Variants in HHLA2 observed in about 807,000 individuals in gnomAD.
HHLA2 encodes HHLA2 member of B7 family, also known as HERV-H LTR-associating protein 2.
HHLA2 carries 48 observed loss-of-function variants against 45.9 expected under a neutral mutation model. The observed-to-expected ratio is 1.05, with a 90% CI of 0.83 to 1.33. The LOEUF (loss-of-function observed/expected upper bound fraction) is 1.33. Among genes scored for constraint, HHLA2 ranks in the 40% most tolerant of loss-of-function variants. The pLI is 0.00. For synonymous variants in HHLA2, 161 were observed against 173.9 expected (o/e 0.93, Z 0.59); for missense variants, 462 against 494.3 (o/e 0.93, Z 0.62).
At chr3:108,371,930 T>G (rs994688597) in intron 8 of HHLA2, among the ~76,000 whole-genome samples, 1 of 152,076 alleles carries the variant, frequency 6.6e-6, no homozygotes, top group African/African-American at 2.4e-5. Context: ...GACAGAAAGT[T>G]AACAAGGATA....
In HHLA2 at chr3:108,321,978, G is replaced by A. The variant is rs538200931; in HGVS notation, c.-104-6292G>A. ...TGTAACTTTTTCTTATCTCTCTGAA[G>A]ATGTTAGTTATAGTTTTATTTCATT... is the stretch of plus-strand genomic sequence containing the variant. On this transcript the variant is annotated intron_variant, in intron 2 of 10. Transcript: ENST00000619531. Among the ~76,000 whole-genome samples the A allele has an allele frequency of 2.5e-4, 38 of 152,198 alleles. No individual in the cohort carries two copies. The South Asian group carries it at 6.6e-3, about 27-fold the overall frequency.
At chr3:108,344,059 T>A (rs1273003745) in intron 3 of HHLA2, among the ~76,000 whole-genome samples, 3 of 152,194 alleles carry the variant, frequency 2.0e-5, no homozygotes, top group Non-Finnish European at 4.4e-5. Flanking sequence ...TAAAAACTAG[T>A]TAGTCTAGCT....
intron 4 of HHLA2, among the ~76,000 whole-genome samples, 176 bp from the exon 4 acceptor site, chr3:108,353,251 C>T (rs958803105): frequency 2.0e-5 from 3 of 152,180 alleles, no homozygotes; most frequent in African/African-American, 7.2e-5. Context: ...AAAATTAAAA[C>T]TCAAACACAG....
chr3:108,375,889 C>A, intron 9 of HHLA2, 89 bp downstream of exon 8: 1 of 1,499,320 alleles, frequency 6.7e-7, no homozygotes, highest in South Asian at 1.2e-5. Context: ...ACAGTATTGG[C>A]CACTTTAAAA....
At chr3:108,328,165 C>T in intron 2 of HHLA2, 1 of 526,222 alleles carries the variant, frequency 1.9e-6, no homozygotes, top group Non-Finnish European at 3.1e-6. Context: ...AAGTAATTTT[C>T]AGTTTGGTAT....
chr3:108,354,778 C>T (rs1386261381), intron 5 of HHLA2, among the ~76,000 whole-genome samples: 2 of 151,994 alleles, frequency 1.3e-5, no homozygotes, highest in South Asian at 2.1e-4. Flanking sequence ...TGTAGAGTGC[C>T]GCATGAACTC....
At chr3:108,296,862 G>C (rs2080769381) in intron 1 of HHLA2, among the ~76,000 whole-genome samples, 1 of 152,166 alleles carries the variant, frequency 6.6e-6, no homozygotes, top group Non-Finnish European at 1.5e-5. Context: ...CTAACATTCT[G>C]GTAAGACAGT....
At chr3:108,353,739 C>T (rs748243757) in exon 5 of HHLA2, 1 of 1,612,828 alleles carries the variant, frequency 6.2e-7, no homozygotes, top group Non-Finnish European at 8.5e-7. Context: ...GTAGGAACAG[C>T]AATTCAAGTG....
chr3:108,362,344 C>T, exon 8 of HHLA2: 1 of 1,604,346 alleles, frequency 6.2e-7, no homozygotes, highest in Non-Finnish European at 8.5e-7. Context: ...TTTTTTAGAA[C>T]CGAGCCAAGA....
At chr3:108,315,543 AG>A in intron 2 of HHLA2, among the ~76,000 whole-genome samples, 1 of 152,312 alleles carries the variant, frequency 6.6e-6, no homozygotes, top group African/African-American at 2.4e-5. Flanking sequence ...TGTTTGGCCC[AG>A]TTTTAAGTAT....
At chr3:108,331,248 C>T (rs1033831909) in intron 3 of HHLA2, among the ~76,000 whole-genome samples, 1 of 152,100 alleles carries the variant, frequency 6.6e-6, no homozygotes, top group Admixed American at 6.5e-5. Flanking sequence ...GACTCAATCT[C>T]TATGGGGATT....
intron 2 of HHLA2, among the ~76,000 whole-genome samples, chr3:108,310,978 G>A (rs556117292): frequency 2.0e-5 from 3 of 152,196 alleles, no homozygotes; most frequent in South Asian, 4.1e-4. Flanking sequence ...GACCTTCCAT[G>A]TTGTTTTAAA....
chr3:108,328,930 A>G (rs970373463), intron 3 of HHLA2, among the ~76,000 whole-genome samples: 5 of 152,138 alleles, frequency 3.3e-5, no homozygotes, highest in Non-Finnish European at 7.3e-5. Context: ...GAGAGCAGCA[A>G]GTATGAAGAA....
chr3:108,373,244 T>C (rs921075047), intron 8 of HHLA2, among the ~76,000 whole-genome samples: 20 of 152,134 alleles, frequency 1.3e-4, no homozygotes, highest in African/African-American at 4.8e-4. Context: ...ATTATCTCAA[T>C]AGATGCAGAA....
intron 2 of HHLA2, among the ~76,000 whole-genome samples, chr3:108,312,858 G>A (rs886312657): frequency 2.0e-5 from 3 of 152,170 alleles, no homozygotes; most frequent in Admixed American, 6.5e-5. Context: ...TTTACAGAGG[G>A]AATGGAGAAA....
chr3:108,357,249 T>A (rs1404127629), intron 6 of HHLA2, among the ~76,000 whole-genome samples: 1 of 151,982 alleles, frequency 6.6e-6, no homozygotes, highest in African/African-American at 2.4e-5. Flanking sequence ...CCTACAACAC[T>A]ACAGAACGGG....
chr3:108,365,976 T>C (rs1423186809), intron 8 of HHLA2, among the ~76,000 whole-genome samples: 1 of 152,198 alleles, frequency 6.6e-6, no homozygotes, highest in Non-Finnish European at 1.5e-5. Flanking sequence ...ACTCTATTTA[T>C]GTCTCTTGCC....
chr3:108,362,198 A>C, intron 7 of HHLA2, 144 bp from the exon 7 acceptor site: 1 of 625,862 alleles, frequency 1.6e-6, no homozygotes, highest in Non-Finnish European at 2.8e-6. Flanking sequence ...AAGTGTTTTC[A>C]TATGAATTCA....
At chr3:108,348,232 A>G (rs1182827296) in intron 3 of HHLA2, among the ~76,000 whole-genome samples, 1 of 152,128 alleles carries the variant, frequency 6.6e-6, no homozygotes, top group Non-Finnish European at 1.5e-5. Flanking sequence ...AAGGAAAGAA[A>G]AACTAGGAGA....
Sources: gnomAD v4.1 joint callset for allele counts (sites outside exome capture counted in the v4.1 genomes callset) on GRCh38, gnomAD v4.1.1 for gene constraint, MANE v1.5 for transcripts, NCBI Gene and HGNC (gene_info 2026-07-23, HGNC 2026-07-21) for gene names.